RGS6: variants seen among roughly 807,000 people sequenced by gnomAD.
The protein encoded by RGS6 is regulator of G-protein signaling 6.
A neutral mutation model predicts 78.5 loss-of-function variants in RGS6; 30 were observed. The ratio of observed to expected loss-of-function variants is 0.38; its 90% CI spans 0.29 to 0.52. RGS6 has a LOEUF of 0.52. RGS6 is among the 20% of genes least tolerant of loss of function. RGS6 has a pLI of 0.85. For missense variants in RGS6, 495 were observed against 609.7 expected (o/e 0.81, Z 1.98); for synonymous variants, 206 against 206.0 (o/e 1.00, Z 0.00).
intron 1 of RGS6, among the ~76,000 whole-genome samples, chr14:71,959,430 G>A (rs913221500): frequency 1.3e-5 from 2 of 152,148 alleles, no homozygotes; most frequent in Non-Finnish European, 2.9e-5. Flanking sequence ...TTCTTATTTG[G>A]CAGCATAAAT....
chr14:71,916,811 T>A, the RGS6 span, among the ~76,000 whole-genome samples: 1 of 152,170 alleles, frequency 6.6e-6, no homozygotes, highest in Admixed American at 6.5e-5. Flanking sequence ...TGGGGTTTGT[T>A]AAAATGCAGA....
intron 2 of RGS6, chr14:71,990,637 C>CCGGGGCAGAAGAA (rs1386303644): frequency 1.3e-5 from 6 of 455,994 alleles, no homozygotes; most frequent in South Asian, 9.3e-5. Flanking sequence ...GTCTTCATTC[C>CCGGGGCAGAAGAA]CGGGGCAGCT....
chr14:72,593,246 C>G, the RGS6 span, among the ~76,000 whole-genome samples: 1 of 152,222 alleles, frequency 6.6e-6, no homozygotes, highest in Non-Finnish European at 1.5e-5. Flanking sequence ...TGAACATCCG[C>G]TCTGAGCAGA....
At chr14:72,558,616 C>A (rs2097621800) in intron 17 of RGS6, among the ~76,000 whole-genome samples, 2 of 152,168 alleles carry the variant, frequency 1.3e-5, no homozygotes, top group South Asian at 4.1e-4. Context: ...CCATGACCAC[C>A]TTCTTCCAGG....
chr14:71,933,604 G>A (rs1439492965), intron 1 of RGS6, among the ~76,000 whole-genome samples: 1 of 152,160 alleles, frequency 6.6e-6, no homozygotes, highest in Non-Finnish European at 1.5e-5. Flanking sequence ...ATTTAGTTTT[G>A]TTCAGAATGA....
At position 72,279,778 on chromosome 14, in the gene RGS6, G is replaced by A. The variant is rs1490249920; in HGVS notation, c.85-72317G>A. Among the ~76,000 whole-genome samples, 7 of 152,294 alleles carry A rather than the reference G, an allele frequency of 4.6e-5. No homozygotes were observed. In the East Asian group the frequency reaches 9.6e-4, roughly 21 times the overall value. On this transcript the variant is annotated intron_variant, in intron 2 of 17. Coordinates refer to ENST00000553525, the MANE Select transcript of RGS6 (RefSeq NM_001204424.2). ...CATGAGAATGACAAAGAAAGGACAA[G>A]GGTGGCAATTGAGATAGATGCCTTT...
At chr14:72,038,923 C>G (rs1251556950) in intron 2 of RGS6, among the ~76,000 whole-genome samples, 2 of 152,116 alleles carry the variant, frequency 1.3e-5, no homozygotes, top group Non-Finnish European at 2.9e-5. Context: ...CCTGATTGCT[C>G]TGGCTTGGAA....
At chr14:72,326,869 G>A (rs997113348) in intron 2 of RGS6, among the ~76,000 whole-genome samples, 4 of 152,056 alleles carry the variant, frequency 2.6e-5, no homozygotes, top group East Asian at 3.9e-4. Context: ...CACCATGCCC[G>A]GCTAATTTTT....
intron 2 of RGS6, among the ~76,000 whole-genome samples, chr14:72,154,743 G>A: frequency 6.6e-6 from 1 of 152,054 alleles, no homozygotes; most frequent in East Asian, 1.9e-4. Context: ...CTTATTTTTT[G>A]CAAATGCCTG....
chr14:72,336,919 C>T (rs1376494123), intron 2 of RGS6, among the ~76,000 whole-genome samples: 2 of 152,054 alleles, frequency 1.3e-5, no homozygotes, highest in African/African-American at 4.8e-5. Flanking sequence ...CTAAATTTCC[C>T]CTTTTTATAA....
chr14:72,498,603 A>T (rs2096675849), intron 13 of RGS6, among the ~76,000 whole-genome samples: 1 of 152,176 alleles, frequency 6.6e-6, no homozygotes, highest in South Asian at 2.1e-4. Flanking sequence ...AGATTTAAAA[A>T]GTCTAATGTG....
chr14:72,506,983 CTAAAAAAAAAAAAAAAAAAAA>C (rs2096810771), intron 13 of RGS6, among the ~76,000 whole-genome samples: 1 of 21,026 alleles, frequency 4.8e-5, no homozygotes, highest in African/African-American at 1.3e-4. Context: ...CCTGTCTCTA[CTAAAAAAAAAAAAAAAAAAAA>C]AAAAAAAAAA....
intron 2 of RGS6, among the ~76,000 whole-genome samples, chr14:72,330,954 C>T (rs1260699774): frequency 6.6e-6 from 1 of 152,204 alleles, no homozygotes; most frequent in Non-Finnish European, 1.5e-5. Flanking sequence ...CTTTGAGGGG[C>T]CTCCTCTGAT....
the RGS6 span, among the ~76,000 whole-genome samples, chr14:71,910,060 C>T: frequency 3.3e-5 from 5 of 152,150 alleles, no homozygotes; most frequent in South Asian, 2.1e-4. Context: ...TGTGGTGGCA[C>T]GCGCCTGGAA....
intron 2 of RGS6, among the ~76,000 whole-genome samples, chr14:72,020,382 C>A (rs1280841672): frequency 6.6e-6 from 1 of 152,234 alleles, no homozygotes; most frequent in African/African-American, 2.4e-5. Flanking sequence ...TTTCTCACAA[C>A]TGTTAACCTG....
chr14:72,531,120 C>T (rs1268633663), intron 15 of RGS6, among the ~76,000 whole-genome samples: 1 of 152,110 alleles, frequency 6.6e-6, no homozygotes, highest in African/African-American at 2.4e-5. Flanking sequence ...CTGGACTATC[C>T]AAGTAGTCTC....
chr14:72,619,777 T>C, the RGS6 span: 2 of 944,758 alleles, frequency 2.1e-6, no homozygotes, highest in East Asian at 5.5e-5. Context: ...GTTGTGATGA[T>C]TAAATGAGAC....
At chr14:72,122,413 G>T (rs1014708483) in intron 2 of RGS6, among the ~76,000 whole-genome samples, 1 of 152,178 alleles carries the variant, frequency 6.6e-6, no homozygotes, top group Non-Finnish European at 1.5e-5. Context: ...TGTGGGGGTA[G>T]AAAATGAGGT....
At chr14:72,136,126 C>T (rs1437913328) in intron 2 of RGS6, among the ~76,000 whole-genome samples, 1 of 152,162 alleles carries the variant, frequency 6.6e-6, no homozygotes, top group Non-Finnish European at 1.5e-5. Context: ...TGAATAACCT[C>T]ACTTGCTTAA....
Sources: allele counts gnomAD v4.1 joint callset (sites outside exome capture counted in the v4.1 genomes callset), GRCh38; gene constraint gnomAD v4.1.1; transcripts MANE v1.5; gene names NCBI Gene and HGNC (gene_info 2026-07-23, HGNC 2026-07-21).